TSGA10: variants seen among roughly 807,000 people sequenced by gnomAD.
TSGA10 encodes testis-specific gene 10 protein.
Under a neutral mutation model 96.6 loss-of-function variants are expected in TSGA10, and 43 were observed. The observed-to-expected ratio is 0.44, with a 90% CI of 0.35 to 0.57. The LOEUF (loss-of-function observed/expected upper bound fraction) is 0.57, where lower values mean the gene tolerates loss of function less well. Among genes scored for constraint, TSGA10 ranks in the 20% least tolerant of loss-of-function variants. The probability of loss-of-function intolerance (pLI) is 0.01; values close to 1 mark genes in which losing one functional copy is unlikely to be tolerated. For missense variants in TSGA10, 703 were observed against 834.4 expected (o/e 0.84, Z 1.94); for synonymous variants, 229 against 269.9 (o/e 0.85, Z 1.48).
intron 20 of TSGA10, among the ~76,000 whole-genome samples, chr2:99,014,283 C>T (rs1001032737): frequency 3.9e-5 from 6 of 152,028 alleles, no homozygotes; most frequent in East Asian, 3.9e-4. Flanking sequence ...TGCAGTGAGC[C>T]GAGATCATGC....
chr2:99,081,345 C>T lies in TSGA10; in HGVS notation c.664G>A (p.Ala222Thr). Residue 222 changes from alanine (A) to threonine (T), a missense_variant, in exon 11 of 21, where the codon GCT becomes ACT. By Grantham distance (58) the Ala-to-Thr change is moderately conservative. This residue lies in a region of TSGA10 where 585 missense variants were observed against 656.8 expected (regional missense o/e 0.89). Transcript: ENST00000393483. ...KDLSDTQRHL[A>T]KKKYELQLTQ... is the part of the protein sequence containing the mutation. ...AGCTGTAGCTCATATTTTTTCTTAG[C>T]AAGGTGTCGCTGAGTATCAGAAAGA... is the stretch of plus-strand genomic sequence containing the variant. The T allele has an allele frequency of 6.3e-7, 1 of 1,596,452 alleles. No individual in the cohort carries two copies. Among genetic ancestry groups the T allele is most frequent in the Non-Finnish European group, 8.5e-7 (1 of 1,171,844 alleles).
intron 15 of TSGA10, among the ~76,000 whole-genome samples, chr2:99,067,470 T>C (rs943892495): frequency 1.3e-5 from 2 of 152,160 alleles, no homozygotes; most frequent in Non-Finnish European, 2.9e-5. Context: ...AAAGTTATAA[T>C]CCCTAATGGT....
intron 12 of TSGA10, among the ~76,000 whole-genome samples, chr2:99,076,068 T>TA (rs1432379050): frequency 6.6e-6 from 1 of 152,124 alleles, no homozygotes; most frequent in African/African-American, 2.4e-5. Flanking sequence ...CCTCCAAACC[T>TA]AAAAGTCCAA....
intron 4 of TSGA10, among the ~76,000 whole-genome samples, chr2:99,111,272 CCA>C (rs1187193384): frequency 1.3e-5 from 2 of 152,096 alleles, no homozygotes; most frequent in Non-Finnish European, 2.9e-5. Context: ...CCAAATTACC[CCA>C]TTCAGAAAAG....
chr2:99,075,246 T>A (rs902850742), intron 12 of TSGA10, among the ~76,000 whole-genome samples: 3 of 152,186 alleles, frequency 2.0e-5, no homozygotes, highest in Admixed American at 6.5e-5. Context: ...AACAATTTTT[T>A]AAAATAATAT....
intron 20 of TSGA10, among the ~76,000 whole-genome samples, chr2:99,009,586 A>AG (rs1268489226): frequency 6.6e-6 from 1 of 151,312 alleles, no homozygotes; most frequent in East Asian, 1.9e-4. Flanking sequence ...AAAAAAAAAA[A>AG]AAAAAAAAAA....
intron 2 of TSGA10, 111 bp from the exon 3 acceptor site, chr2:99,118,797 G>T: frequency 3.2e-6 from 1 of 312,140 alleles, no homozygotes; most frequent in Non-Finnish European, 4.7e-6. Flanking sequence ...GGAACTCTTT[G>T]TTTACTTGAG....
At chr2:99,126,244 G>A (rs946077345) in intron 2 of TSGA10, 3 of 152,384 alleles carry the variant, frequency 2.0e-5, no homozygotes, top group African/African-American at 7.2e-5. Flanking sequence ...AGTTTTTTCT[G>A]TGGTATTTGC....
rs887597535 is a variant in TSGA10, at chr2:99,040,757, GA to G, written c.1405-5319del. Among the ~76,000 whole-genome samples, 30 of 138,036 alleles carry G rather than the reference GA, an allele frequency of 2.2e-4. 1 individual carries two copies. Among genetic ancestry groups the G allele is most frequent in the South Asian group, 4.5e-4 (2 of 4,440 alleles). 90.6% of individuals were successfully genotyped at this position (138,036 alleles called of 152,430 possible). A position where few individuals can be genotyped will look rare whatever the true frequency, so the allele number is the denominator to read the frequency against. ...ACCATCATCATTCTTCATAGAACCA[GA>G]AAAAAAAAAACCTAAACATCCTAAA... On this transcript the variant is annotated intron_variant, in intron 16 of 20. Coordinates refer to ENST00000393483, the MANE Select transcript of TSGA10 (RefSeq NM_025244.4).
At chr2:99,099,133 A>G (rs993719793) in intron 10 of TSGA10, among the ~76,000 whole-genome samples, 56 of 152,090 alleles carry the variant, frequency 3.7e-4, no homozygotes, top group African/African-American at 1.3e-3. Flanking sequence ...ACCAACATGG[A>G]GAAACCACAT....
intron 16 of TSGA10, among the ~76,000 whole-genome samples, chr2:99,053,627 A>G (rs1173765328): frequency 1.3e-5 from 2 of 152,236 alleles, no homozygotes; most frequent in Non-Finnish European, 2.9e-5. Flanking sequence ...CCTCAACACA[A>G]TAAAGGCTAT....
intron 20 of TSGA10, among the ~76,000 whole-genome samples, chr2:99,011,593 T>C (rs1296260012): frequency 6.6e-6 from 1 of 152,100 alleles, no homozygotes; most frequent in African/African-American, 2.4e-5. Flanking sequence ...AGAAAACTTA[T>C]TTGAGGGAAT....
chr2:99,003,958 T>C (rs2078221007), intron 20 of TSGA10, among the ~76,000 whole-genome samples: 1 of 151,934 alleles, frequency 6.6e-6, no homozygotes, highest in Admixed American at 6.6e-5. Flanking sequence ...AGAGCAGAAC[T>C]GAAGGAAATA....
chr2:99,137,908 C>G (rs934940707), intron 1 of TSGA10, among the ~76,000 whole-genome samples: 1 of 145,206 alleles, frequency 6.9e-6, no homozygotes, highest in Non-Finnish European at 1.5e-5. Flanking sequence ...AAAAAAGGCA[C>G]AGCCATGATG....
rs560327126 is a variant in TSGA10 at position 99,148,420 on chromosome 2, A to T, written c.-621+6273T>A. ...AAAAAATTTAGCTAAGTTGTATTTG[A>T]GTCCCAGAAAGCCAAATATATACTA... On this transcript the variant is annotated intron_variant, in intron 1 of 20. Coordinates refer to ENST00000393483, the MANE Select transcript of TSGA10 (RefSeq NM_025244.4). 3.3e-4 allele frequency: 50 copies of T among 152,288 alleles called. No homozygotes were observed. In the South Asian group the frequency reaches 0.01, roughly 31 times the overall value. 9.4% of individuals were successfully genotyped at this position (152,288 alleles called of 1,614,324 possible). A position where few individuals can be genotyped will look rare whatever the true frequency, so the allele number is the denominator to read the frequency against.
At chr2:99,120,976 C>T (rs977274352) in intron 2 of TSGA10, among the ~76,000 whole-genome samples, 4 of 152,260 alleles carry the variant, frequency 2.6e-5, no homozygotes, top group Middle Eastern at 3.4e-3. Context: ...TTTAGATCCA[C>T]GCAAGTTGTT....
Position 99,118,636 on chromosome 2 carries a change from C to T in TSGA10, c.-441G>A, listed in dbSNP as rs1464690523. ...TTTCCTTCCCAGCCCACTATCAAAC[C>T]ATCAATGGATGAAGAAAAGGGCCTT... On this transcript the variant is annotated 5_prime_UTR_variant, in exon 3 of 21. An upstream start codon of the reference 5' UTR is lost. Transcript: ENST00000393483. The T allele has an allele frequency of 1.0e-6, 1 of 984,562 alleles. No homozygotes were observed. The highest frequency in any genetic ancestry group is 1.2e-6 in the Non-Finnish European group (1 of 829,680). The allele number at this position is 984,562 out of a possible 1,614,324, so 61.0% of individuals were successfully genotyped here. A position where few individuals can be genotyped will look rare whatever the true frequency, so the allele number is the denominator to read the frequency against.
At chr2:99,019,738 G>T (rs2079847077) in intron 18 of TSGA10, among the ~76,000 whole-genome samples, 1 of 152,142 alleles carries the variant, frequency 6.6e-6, no homozygotes, top group South Asian at 2.1e-4. Context: ...TATACAGGGA[G>T]GCAATTCCAC....
chr2:99,113,313 C>T (rs977059504), intron 4 of TSGA10, among the ~76,000 whole-genome samples: 1 of 152,096 alleles, frequency 6.6e-6, no homozygotes, highest in African/African-American at 2.4e-5. Context: ...ACTTTTGAGA[C>T]TGGGTCATGC....
Sources: gnomAD v4.1 joint callset for allele counts (sites outside exome capture counted in the v4.1 genomes callset) on GRCh38, gnomAD v4.1.1 for gene constraint, gnomAD v4.1.1 regional missense constraint, MANE v1.5 for transcripts, NCBI Gene and HGNC (gene_info 2026-07-23, HGNC 2026-07-21) for gene names.